The following NXN variants were observed in gnomAD, a reference collection of about 807,000 sequenced individuals.
The protein encoded by NXN is nucleoredoxin 1.
In NXN, 16 loss-of-function variants were observed where a neutral mutation model predicts 48.6. The ratio of observed to expected loss-of-function variants is 0.33; its 90% CI spans 0.22 to 0.50. The LOEUF (loss-of-function observed/expected upper bound fraction) is 0.50, where lower values mean the gene tolerates loss of function less well. Ranked by LOEUF, NXN falls within the 20% of genes least tolerant of loss-of-function variation. The probability of loss-of-function intolerance (pLI) is 0.98; values close to 1 mark genes in which losing one functional copy is unlikely to be tolerated. For synonymous variants in NXN, 281 were observed against 269.6 expected, an observed-to-expected ratio of 1.04 and a Z score of -0.41; for missense variants, 492 against 605.5, an observed-to-expected ratio of 0.81 and a Z score of 1.97.
chr17:871,439 G>A (rs755514094), intron 1 of NXN, among the ~76,000 whole-genome samples: 8 of 114,276 alleles, frequency 7.0e-5, no homozygotes, highest in Admixed American at 1.2e-4. Flanking sequence ...GATTCTCATC[G>A]TGTCCCCCAG....
chr17:835,246 T>C (rs1235320866), intron 1 of NXN, among the ~76,000 whole-genome samples: 1 of 149,500 alleles, frequency 6.7e-6, no homozygotes, highest in Admixed American at 6.7e-5. Flanking sequence ...AGGCGGAGCT[T>C]GCAGTGAGCT....
intron 1 of NXN, among the ~76,000 whole-genome samples, chr17:946,625 T>C (rs2069046887): frequency 6.6e-6 from 1 of 152,148 alleles, no homozygotes. Context: ...GCGGTGACAT[T>C]TGCTTCCCAA....
chr17:930,558 A>G (rs116190146), intron 1 of NXN: 138 of 152,308 alleles, frequency 9.1e-4, no homozygotes, highest in African/African-American at 3.2e-3. Context: ...GTGACACAAC[A>G]CAATGTAAAT....
At chr17:973,735 C>T (rs1034957107) in intron 1 of NXN, among the ~76,000 whole-genome samples, 1 of 151,794 alleles carries the variant, frequency 6.6e-6, no homozygotes, top group African/African-American at 2.4e-5. Flanking sequence ...GCTGGAGTGC[C>T]GTGGCCCGAT....
chr17:851,729 T>G (rs1226526376), intron 1 of NXN, among the ~76,000 whole-genome samples: 3 of 152,154 alleles, frequency 2.0e-5, no homozygotes, highest in Non-Finnish European at 4.4e-5. Flanking sequence ...CTTCAAAAAA[T>G]TATTTTGAAA....
At chr17:948,782 C>G (rs1343580576) in intron 1 of NXN, among the ~76,000 whole-genome samples, 1 of 151,578 alleles carries the variant, frequency 6.6e-6, no homozygotes, top group Non-Finnish European at 1.5e-5. Flanking sequence ...TCCCGGGACA[C>G]GAGGAAACAG....
chr17:838,122 CCTT>C (rs1382878615), intron 1 of NXN, among the ~76,000 whole-genome samples: 6 of 136,568 alleles, frequency 4.4e-5, no homozygotes, highest in African/African-American at 1.7e-4. Context: ...ATTTTCCTTT[CCTT>C]CTTTTTTTTT....
intron 1 of NXN, among the ~76,000 whole-genome samples, chr17:973,475 G>C (rs76673429): frequency 0.012 from 1,861 of 152,278 alleles, 16 homozygotes; most frequent in Middle Eastern, 0.034. Flanking sequence ...TAAGTTACAA[G>C]GGTGACTGAA....
In NXN at chr17:841,529, C is replaced by CCACAGCG. The variant is rs1914258138; in HGVS notation, c.361-15452_361-15451insCGCTGTG. Among the ~76,000 whole-genome samples, 13 of 68,100 alleles carry CCACAGCG rather than the reference C, an allele frequency of 1.9e-4. 4 individuals are homozygous for CCACAGCG. The highest frequency in any genetic ancestry group is 3.9e-4 in the Non-Finnish European group (12 of 30,716). 44.7% of individuals were successfully genotyped at this position (68,100 alleles called of 152,430 possible). On this transcript the variant is annotated intron_variant, in intron 1 of 7. Transcript: ENST00000336868. ...CACACGGGCGAGCAGGTCCCCCCGACCATGGAGCATCTCACGCCGGCGAGC... is the reference window on the plus strand; with the variant it reads ...CACACGGGCGAGCAGGTCCCCCCGACCACAGCGCATGGAGCATCTCACGCCGGCGAGC...
At chr17:915,220 C>T (rs2068676068) in intron 1 of NXN, among the ~76,000 whole-genome samples, 1 of 152,152 alleles carries the variant, frequency 6.6e-6, no homozygotes, top group Non-Finnish European at 1.5e-5. Flanking sequence ...AGGCGTGAGC[C>T]ACTGCACCCG....
chr17:948,408 G>A (rs1300371991), intron 1 of NXN, among the ~76,000 whole-genome samples: 16 of 152,130 alleles, frequency 1.1e-4, no homozygotes, highest in Admixed American at 9.8e-4. Flanking sequence ...GATGTACACG[G>A]GTTATATGTA....
chr17:964,874 T>C (rs1318057120), intron 1 of NXN, among the ~76,000 whole-genome samples: 1 of 152,240 alleles, frequency 6.6e-6, no homozygotes, highest in Non-Finnish European at 1.5e-5. Context: ...CCACACTTAA[T>C]TAGCCAGCGG....
intron 1 of NXN, among the ~76,000 whole-genome samples, chr17:868,448 G>A (rs2068115700): frequency 2.0e-5 from 3 of 152,062 alleles, no homozygotes; most frequent in African/African-American, 7.3e-5. Context: ...CCCAAGCACA[G>A]AAACTACCTT....
At chr17:839,021 C>T (rs574348039) in intron 1 of NXN, among the ~76,000 whole-genome samples, 18 of 152,324 alleles carry the variant, frequency 1.2e-4, no homozygotes, top group African/African-American at 4.3e-4. Flanking sequence ...TCCAGCCACA[C>T]ACCTCTCGGA....
intron 1 of NXN, among the ~76,000 whole-genome samples, chr17:881,135 GATTT>G (rs928626627): frequency 2.0e-5 from 3 of 152,178 alleles, no homozygotes; most frequent in Non-Finnish European, 4.4e-5. Flanking sequence ...AAATTAAAAT[GATTT>G]CACACTGACT....
chr17:902,845 C>A (rs908889192), intron 1 of NXN, among the ~76,000 whole-genome samples: 3 of 151,284 alleles, frequency 2.0e-5, no homozygotes, highest in Middle Eastern at 3.2e-3. Context: ...ATGGCGCGAT[C>A]TCAGCTCACT....
chr17:839,549 G>T (rs1210635827), intron 1 of NXN, among the ~76,000 whole-genome samples: 2 of 151,818 alleles, frequency 1.3e-5, no homozygotes, highest in Non-Finnish European at 2.9e-5. Context: ...GGCAGCTCAC[G>T]CCTGTAACTT....
At chr17:913,264 G>A (rs2068654363) in intron 1 of NXN, among the ~76,000 whole-genome samples, 1 of 147,930 alleles carries the variant, frequency 6.8e-6, no homozygotes, top group South Asian at 2.2e-4. Context: ...GCCAACAGTT[G>A]ATCACCAAAC....
intron 1 of NXN, among the ~76,000 whole-genome samples, chr17:938,674 A>G (rs1207749447): frequency 6.6e-6 from 1 of 151,742 alleles, no homozygotes; most frequent in East Asian, 1.9e-4. Flanking sequence ...ACAGAGTGAG[A>G]CACTGTCTCA....
Sources: gnomAD v4.1 joint callset for allele counts (sites outside exome capture counted in the v4.1 genomes callset) on GRCh38, gnomAD v4.1.1 for gene constraint, MANE v1.5 for transcripts, NCBI Gene and HGNC (gene_info 2026-07-23, HGNC 2026-07-21) for gene names.